SSR3: variants seen among roughly 807,000 people sequenced by gnomAD.
SSR3 encodes translocon-associated protein subunit gamma.
Under a neutral mutation model 22.1 loss-of-function variants are expected in SSR3, and 10 were observed. That is an observed-to-expected ratio of 0.45 (90% CI 0.28 to 0.77). The LOEUF (loss-of-function observed/expected upper bound fraction) is 0.77. Among genes scored for constraint, SSR3 ranks in the 30% least tolerant of loss-of-function variants. The pLI, the probability that SSR3 is intolerant of heterozygous loss-of-function variation, is 0.13. For missense variants in SSR3, 181 were observed against 220.5 expected (o/e 0.82, Z 1.13); for synonymous variants, 104 against 82.5 (o/e 1.26, Z -1.42).
At chr3:156,545,035 T>C (rs529111858) in intron 3 of SSR3, among the ~76,000 whole-genome samples, 8 of 152,376 alleles carry the variant, frequency 5.3e-5, no homozygotes, top group African/African-American at 1.9e-4. Context: ...CTTGTTCTGA[T>C]AGTTTATCTT....
In SSR3 at chr3:156,555,095, A is replaced by G. The variant is rs773285575; in HGVS notation, c.-6T>C. The G allele has an allele frequency of 6.8e-6, 11 of 1,612,990 alleles. No homozygotes were observed. The highest frequency in any genetic ancestry group is 9.3e-6 in the Non-Finnish European group (11 of 1,179,806). ...GAGCTGCCTTTAGGAGCCATGGCGGAGCTGCAGGCGAGAACAGGGAACGTA... is the reference window on the plus strand; with the variant it reads ...GAGCTGCCTTTAGGAGCCATGGCGGGGCTGCAGGCGAGAACAGGGAACGTA... On this transcript the variant is annotated 5_prime_UTR_variant, in exon 1 of 5. Coordinates refer to ENST00000265044, the MANE Select transcript of SSR3 (RefSeq NM_007107.5).
At chr3:156,546,097 C>A (rs922470216) in intron 3 of SSR3, among the ~76,000 whole-genome samples, 1 of 152,216 alleles carries the variant, frequency 6.6e-6, no homozygotes, top group Non-Finnish European at 1.5e-5. Flanking sequence ...TGTGTCCCCA[C>A]CCAAATCTCA....
At position 156,549,699 on chromosome 3, in the gene SSR3, A is replaced by G. The variant is rs999180055; in HGVS notation, c.261-696T>C. 5.9e-5 allele frequency among the ~76,000 whole-genome samples: 9 copies of G among 152,234 alleles called. 1 individual carries two copies. Among genetic ancestry groups the G allele is most frequent in the Non-Finnish European group, 1.0e-4 (7 of 68,036 alleles). On this transcript the variant is annotated intron_variant, in intron 2 of 4. Coordinates refer to ENST00000265044, the MANE Select transcript of SSR3 (RefSeq NM_007107.5). ...TAGAATTGACATTGTTATTAATAAA[A>G]AGAAAACGTTTAGTCAGTTTCAAAT...
rs1011558518 is a variant in SSR3, at chr3:156,542,806, A to C, written c.*397T>G. On this transcript the variant is annotated 3_prime_UTR_variant, in exon 5 of 5. Transcript: ENST00000265044. Reference sequence around the variant, plus strand: ...TTCATTCTGATATTTACGGTTCAAAAGAAGTTGTAATATTGTGCTTGGAAC... The same window carrying C: ...TTCATTCTGATATTTACGGTTCAAACGAAGTTGTAATATTGTGCTTGGAAC... The C allele has an allele frequency of 9.9e-5, 17 of 172,028 alleles. No individual in the cohort carries two copies. The highest frequency in any genetic ancestry group is 2.5e-4 in the Admixed American group (4 of 16,006). The allele number at this position is 172,028 out of a possible 1,614,324, so 10.7% of individuals were successfully genotyped here.
rs527319188 is a variant in SSR3, at chr3:156,553,976, C to T, written c.134-195G>A. 8 of 445,222 alleles carry T rather than the reference C, an allele frequency of 1.8e-5. No individual in the cohort carries two copies. In the South Asian group the frequency reaches 5.1e-4, roughly 28 times the overall value. The allele number at this position is 445,222 out of a possible 1,614,324, so 27.6% of individuals were successfully genotyped here. A position where few individuals can be genotyped will look rare whatever the true frequency, so the allele number is the denominator to read the frequency against. Reference sequence around the variant, plus strand: ...TAGTCTCAAGCTTTCCAGTTCAGAACATTTGAAAAACATCACCTTCCTATT... The same window carrying T: ...TAGTCTCAAGCTTTCCAGTTCAGAATATTTGAAAAACATCACCTTCCTATT... On this transcript the variant is annotated intron_variant, in intron 1 of 4. Transcript: ENST00000265044.
chr3:156,550,792 CCAA>C (rs1719923286), intron 2 of SSR3, among the ~76,000 whole-genome samples: 2 of 152,258 alleles, frequency 1.3e-5, no homozygotes, highest in South Asian at 4.2e-4. Context: ...TCTCTTAGCC[CCAA>C]CCTCTTCAAC....
At chr3:156,551,730 T>C (rs948537882) in intron 2 of SSR3, among the ~76,000 whole-genome samples, 4 of 151,808 alleles carry the variant, frequency 2.6e-5, no homozygotes, top group African/African-American at 9.7e-5. Context: ...CCCGAAAGAG[T>C]CTAACACAGG....
At chr3:156,548,699 A>T (rs1719844152) in intron 3 of SSR3, 2 of 620,988 alleles carry the variant, frequency 3.2e-6, no homozygotes, top group Middle Eastern at 3.8e-4. Context: ...AGAGGAATAA[A>T]TCAACTATTG....
rs751193399 is a variant in SSR3 at position 156,539,591 on chromosome 3, A to G, written c.*3612T>C. Among the ~76,000 whole-genome samples the G allele has an allele frequency of 1.3e-4, 20 of 152,200 alleles. No homozygotes were observed. Among genetic ancestry groups the G allele is most frequent in the Non-Finnish European group, 2.9e-5 (2 of 68,036 alleles). ...GATATATTGAAAATTCATGAAGGCC[A>G]ACGAGAAGTTAGCCTCTATCGCCCT... On this transcript the variant is annotated 3_prime_UTR_variant, in exon 5 of 5. Transcript: ENST00000265044.
chr3:156,543,466 T>C (rs1719642737), intron 4 of SSR3, among the ~76,000 whole-genome samples, 197 bp from the exon 5 acceptor site: 1 of 151,980 alleles, frequency 6.6e-6, no homozygotes, highest in South Asian at 2.1e-4. Context: ...TCACAGGAAA[T>C]GTGTTCCAAT....
chr3:156,548,977 A>G lies in SSR3; in HGVS notation c.287T>C (p.Val96Ala), dbSNP rs1719856106. 1 of 1,613,194 alleles carries G rather than the reference A, an allele frequency of 6.2e-7. No individual in the cohort carries two copies. Among genetic ancestry groups the G allele is most frequent in the Non-Finnish European group, 8.5e-7 (1 of 1,179,882 alleles). ...AAGTTTTCGAGTCACTTCTTTGGAA[A>G]CAGCATCCTCCCTCTTCTGTGCTAC... Reference protein sequence around the residue: ...HKVAQKREDAVSKEVTRKLSE... With the variant: ...HKVAQKREDAASKEVTRKLSE... Residue 96 changes from valine (V) to alanine (A), a missense_variant, in exon 3 of 5, where the codon GTT (valine) becomes GCT (alanine). By Grantham distance (64) the Val-to-Ala change is moderately conservative. Transcript: ENST00000265044.
intron 3 of SSR3, 84 bp from the exon 4 acceptor site, chr3:156,544,523 AAAAC>A: frequency 8.5e-7 from 1 of 1,179,046 alleles, no homozygotes; most frequent in Non-Finnish European, 1.1e-6. Context: ...AGTTCATCAT[AAAAC>A]AAGTTTTTCC....
intron 2 of SSR3, among the ~76,000 whole-genome samples, chr3:156,550,789 G>A (rs1050529373): frequency 6.6e-6 from 1 of 152,152 alleles, no homozygotes; most frequent in Non-Finnish European, 1.5e-5. Flanking sequence ...GGCTCTCTTA[G>A]CCCCAACCTC....
At position 156,542,471 on chromosome 3, in the gene SSR3, TAGTA is replaced by T. The variant is rs1349916023; in HGVS notation, c.*728_*731del. ...AAGGAAAACAGTGATTCCTGTGTCT[TAGTA>T]AGTCAAACCAACATGGCAGGGTCAA... On this transcript the variant is annotated 3_prime_UTR_variant, in exon 5 of 5. Transcript: ENST00000265044. 2 of 152,208 alleles carry T rather than the reference TAGTA, an allele frequency of 1.3e-5. No individual in the cohort carries two copies. The highest frequency in any genetic ancestry group is 2.9e-5 in the Non-Finnish European group (2 of 68,038). 9.4% of individuals were successfully genotyped at this position (152,208 alleles called of 1,614,324 possible). A position where few individuals can be genotyped will look rare whatever the true frequency, so the allele number is the denominator to read the frequency against.
chr3:156,551,405 C>A (rs764983207), intron 2 of SSR3: 5 of 152,112 alleles, frequency 3.3e-5, no homozygotes, highest in Non-Finnish European at 2.9e-5. Flanking sequence ...TACCAGATGC[C>A]CACTTGTGAG....
In SSR3 at chr3:156,544,449, C is replaced by A; in HGVS notation, c.360-10G>T. On this transcript the variant is annotated splice_polypyrimidine_tract_variant and intron_variant, in intron 3 of 4. Coordinates refer to ENST00000265044, the MANE Select transcript of SSR3 (RefSeq NM_007107.5). ...CTTCTTCCACAAGATTCTACAGACA[C>A]AGAAACAAGTCAAACAAGCTTATAA... The A allele has an allele frequency of 2.6e-6, 4 of 1,537,354 alleles. No homozygotes were observed. Among genetic ancestry groups the A allele is most frequent in the East Asian group, 2.3e-5 (1 of 42,592 alleles).
Position 156,555,103 on chromosome 3 carries a change from G to A in SSR3, c.-14C>T. 2 of 1,612,212 alleles carry A rather than the reference G, an allele frequency of 1.2e-6. No homozygotes were observed. Among genetic ancestry groups the A allele is most frequent in the Non-Finnish European group, 8.5e-7 (1 of 1,179,676 alleles). On this transcript the variant is annotated 5_prime_UTR_variant, in exon 1 of 5. Transcript: ENST00000265044. The stretch of plus-strand genomic sequence containing the variant: ...TTTAGGAGCCATGGCGGAGCTGCAG[G>A]CGAGAACAGGGAACGTAGAGCCGGC...
At chr3:156,543,555 G>A (rs1390503526) in intron 4 of SSR3, among the ~76,000 whole-genome samples, 2 of 152,136 alleles carry the variant, frequency 1.3e-5, no homozygotes, top group South Asian at 2.1e-4. Context: ...CCTTCACGAA[G>A]AGCTGATCAA....
At chr3:156,549,199 G>A in intron 2 of SSR3, 196 bp from the exon 3 acceptor site, 1 of 477,878 alleles carries the variant, frequency 2.1e-6, no homozygotes, top group Non-Finnish European at 3.5e-6. Flanking sequence ...AAATGTCCAA[G>A]ATGTGGTTTA....
Sources: gnomAD v4.1 joint callset for allele counts (sites outside exome capture counted in the v4.1 genomes callset) on GRCh38, gnomAD v4.1.1 for gene constraint, MANE v1.5 for transcripts, NCBI Gene and HGNC (gene_info 2026-07-23, HGNC 2026-07-21) for gene names.